RIC1: variants seen among roughly 807,000 people sequenced by gnomAD.
The protein encoded by RIC1 is RIC1 partner of RAB6A GEF complex.
Under a neutral mutation model 169.0 loss-of-function variants are expected in RIC1, and 88 were observed. The ratio of observed to expected loss-of-function variants is 0.52; its 90% CI spans 0.44 to 0.62. The LOEUF (loss-of-function observed/expected upper bound fraction) is 0.62. RIC1 is among the 20% of genes least tolerant of loss of function. RIC1 has a pLI of 0.00. For missense variants in RIC1, 1,877 were observed against 1,725.5 expected (o/e 1.09, Z -1.56); for synonymous variants, 790 against 601.5 (o/e 1.31, Z -4.59).
At chr9:5,729,120 T>A (rs1824195233) in intron 6 of RIC1, among the ~76,000 whole-genome samples, 1 of 152,176 alleles carries the variant, frequency 6.6e-6, no homozygotes, top group South Asian at 2.1e-4. Context: ...ATTCTGGGAT[T>A]TGAGTTACAG....
rs996874626 is a variant in RIC1 at position 5,650,914 on chromosome 9, T to C, written c.145-5669T>C. ...TAGGCCCCCAGGTGGATGCAGGGAA[T>C]GTTAGTAGGGCTTTACTAATGTGGA... is the stretch of plus-strand genomic sequence containing the variant. On this transcript the variant is annotated intron_variant, in intron 1 of 25. Coordinates refer to ENST00000414202, the MANE Select transcript of RIC1 (RefSeq NM_020829.4). Among the ~76,000 whole-genome samples, 11 of 152,228 alleles carry C rather than the reference T, an allele frequency of 7.2e-5. No individual in the cohort carries two copies. The East Asian group carries it at 1.5e-3, about 21-fold the overall frequency.
intron 3 of RIC1, among the ~76,000 whole-genome samples, chr9:5,705,212 T>TTA (rs1554669983): frequency 4.0e-4 from 60 of 150,040 alleles, no homozygotes; most frequent in African/African-American, 1.4e-3. Context: ...TTTTTTTTTT[T>TTA]AAAAGAACAT....
chr9:5,639,716 G>C (rs773182955), intron 1 of RIC1, among the ~76,000 whole-genome samples: 1 of 152,178 alleles, frequency 6.6e-6, no homozygotes. Flanking sequence ...TTGAGGTCTA[G>C]CTCTCTCTTT....
intron 25 of RIC1, among the ~76,000 whole-genome samples, chr9:5,773,671 G>C (rs1827385575): frequency 6.6e-6 from 1 of 152,128 alleles, no homozygotes; most frequent in African/African-American, 2.4e-5. Flanking sequence ...GCTCCTGTTG[G>C]CCTTTCAATT....
intron 2 of RIC1, among the ~76,000 whole-genome samples, chr9:5,669,710 C>A (rs188927604): frequency 6.6e-6 from 1 of 152,090 alleles, no homozygotes; most frequent in African/African-American, 2.4e-5. Context: ...TGGGTTCTTG[C>A]AGTGGCAAAG....
chr9:5,658,702 G>T (rs1819257081), intron 2 of RIC1, among the ~76,000 whole-genome samples: 1 of 152,030 alleles, frequency 6.6e-6, no homozygotes, highest in East Asian at 1.9e-4. Context: ...GAAAATATAA[G>T]ACTTTTAAAA....
At chr9:5,689,094 C>G (rs12554414) in intron 2 of RIC1, among the ~76,000 whole-genome samples, 46,370 of 137,804 alleles carry the variant, frequency 0.34, 7,995 homozygotes, top group East Asian at 0.61. Flanking sequence ...TGTCGCCCAG[C>G]GGGGAGTGCA....
At chr9:5,636,763 T>C (rs781441982) in intron 1 of RIC1, among the ~76,000 whole-genome samples, 1 of 152,218 alleles carries the variant, frequency 6.6e-6, no homozygotes, top group Admixed American at 6.5e-5. Context: ...TTTTTCTAAA[T>C]ATAAGATTAT....
At chr9:5,753,857 T>C (rs1825854624) in intron 14 of RIC1, among the ~76,000 whole-genome samples, 1 of 151,970 alleles carries the variant, frequency 6.6e-6, no homozygotes, top group East Asian at 1.9e-4. Context: ...AAATAGTTGG[T>C]TTATTTTTAA....
At chr9:5,697,189 A>G (rs1364864802) in intron 3 of RIC1, among the ~76,000 whole-genome samples, 4 of 152,214 alleles carry the variant, frequency 2.6e-5, no homozygotes, top group Non-Finnish European at 5.9e-5. Flanking sequence ...TGCTTCACAA[A>G]TAGCTGCTTC....
rs894399513 is a variant in RIC1 at position 5,774,856 on chromosome 9, A to G, written c.*610A>G. 6.6e-6 allele frequency: 1 copy of G among 152,270 alleles called. No homozygotes were observed. The highest frequency in any genetic ancestry group is 2.4e-5 in the African/African-American group (1 of 41,464). The allele number at this position is 152,270 out of a possible 1,614,324, so 9.4% of individuals were successfully genotyped here. On this transcript the variant is annotated 3_prime_UTR_variant, in exon 26 of 26. Coordinates refer to ENST00000414202, the MANE Select transcript of RIC1 (RefSeq NM_020829.4). Reference sequence around the variant, plus strand: ...ACCTGTGAGTTAATGTGCTTGTTTTAGCAAGCTTGATTCCCATTAGACCAA... The same window carrying G: ...ACCTGTGAGTTAATGTGCTTGTTTTGGCAAGCTTGATTCCCATTAGACCAA...
In RIC1 at chr9:5,732,061, A is replaced by G. The variant is rs948699074; in HGVS notation, c.721-327A>G. Among the ~76,000 whole-genome samples, 20 of 152,222 alleles carry G rather than the reference A, an allele frequency of 1.3e-4. 1 individual carries two copies. The highest frequency in any genetic ancestry group is 6.5e-5 in the Admixed American group (1 of 15,284). On this transcript the variant is annotated intron_variant, in intron 6 of 25. Coordinates refer to ENST00000414202, the MANE Select transcript of RIC1 (RefSeq NM_020829.4). Reference sequence around the variant, plus strand: ...AAGTTAGATGCTGTTTCCGCTGTCAAAATGTTTACATTCTAACAAGAAAGT... The same window carrying G: ...AAGTTAGATGCTGTTTCCGCTGTCAGAATGTTTACATTCTAACAAGAAAGT...
rs985674003 is a variant in RIC1 at position 5,773,115 on chromosome 9, C to A, written c.3983+35C>A. 2.8e-6 allele frequency: 4 copies of A among 1,452,912 alleles called. No individual in the cohort carries two copies. The African/African-American group carries it at 4.3e-5, about 15-fold the overall frequency. The allele number at this position is 1,452,912 out of a possible 1,614,324, so 90.0% of individuals were successfully genotyped here. On this transcript the variant is annotated intron_variant, in intron 25 of 25. Coordinates refer to ENST00000414202, the MANE Select transcript of RIC1 (RefSeq NM_020829.4). ...GCTTTCCTTAGGCTTGGTGTCCTTC[C>A]ATGTCTTTTGGTGAATCCTGTCCTT... is the stretch of plus-strand genomic sequence containing the variant.
At chr9:5,777,886 T>G (rs1141025), downstream of RIC1, among the ~76,000 whole-genome samples, 8,487 of 152,242 alleles carry the variant, frequency 0.056, 752 homozygotes, top group African/African-American at 0.19. Context: ...GTAGGAAATT[T>G]TGAAAGCGAG....
At chr9:5,654,866 A>G (rs908774591) in intron 1 of RIC1, among the ~76,000 whole-genome samples, 2 of 152,082 alleles carry the variant, frequency 1.3e-5, no homozygotes, top group Non-Finnish European at 1.5e-5. Flanking sequence ...AAATGTGTTT[A>G]TAATGACAAA....
intron 1 of RIC1, among the ~76,000 whole-genome samples, chr9:5,637,002 A>G (rs1818003000): frequency 6.6e-6 from 1 of 151,906 alleles, no homozygotes; most frequent in African/African-American, 2.4e-5. Context: ...TTTTTTTTTA[A>G]GTTTTAGTGT....
chr9:5,771,797 G>A (rs761812950), intron 23 of RIC1, among the ~76,000 whole-genome samples: 1 of 151,980 alleles, frequency 6.6e-6, no homozygotes, highest in Non-Finnish European at 1.5e-5. Flanking sequence ...TAATATAGTG[G>A]GTTCTCCTCC....
In RIC1 at chr9:5,736,673, G is replaced by A. The variant is rs150161360; in HGVS notation, c.813-1777G>A. Among the ~76,000 whole-genome samples, 1,249 of 152,194 alleles carry A rather than the reference G, an allele frequency of 8.2e-3. 13 individuals carry two copies. Among genetic ancestry groups the A allele is most frequent in the African/African-American group, 0.029 (1,203 of 41,534 alleles). On this transcript the variant is annotated intron_variant, in intron 7 of 25. Transcript: ENST00000414202. Reference sequence around the variant, plus strand: ...TGAGACATGGAAGATATTAGAAAAAGACTGAAATTAAACTTCTAGAGGTGA... The same window carrying A: ...TGAGACATGGAAGATATTAGAAAAAAACTGAAATTAAACTTCTAGAGGTGA...
At chr9:5,639,852 T>C (rs1377329655) in intron 1 of RIC1, among the ~76,000 whole-genome samples, 1 of 152,242 alleles carries the variant, frequency 6.6e-6, no homozygotes, top group Non-Finnish European at 1.5e-5. Flanking sequence ...CTCACAATTT[T>C]TGTCTTGAAA....
Sources: gnomAD v4.1 joint callset for allele counts (sites outside exome capture counted in the v4.1 genomes callset) on GRCh38, gnomAD v4.1.1 for gene constraint, MANE v1.5 for transcripts, NCBI Gene and HGNC (gene_info 2026-07-23, HGNC 2026-07-21) for gene names.